Variants in SLC35A1 observed in about 807,000 individuals in gnomAD.
The protein encoded by SLC35A1 is solute carrier family 35 member A1.
SLC35A1 carries 21 observed loss-of-function variants against 40.3 expected under a neutral mutation model. That is an observed-to-expected ratio of 0.52 (90% CI 0.37 to 0.75). The LOEUF (loss-of-function observed/expected upper bound fraction) is 0.75, where lower values mean the gene tolerates loss of function less well. Among genes scored for constraint, SLC35A1 ranks in the 30% least tolerant of loss-of-function variants. The pLI is 0.00. For missense variants in SLC35A1, 297 were observed against 382.1 expected (o/e 0.78, Z 1.86); for synonymous variants, 146 against 147.3 (o/e 0.99, Z 0.06).
intron 5 of SLC35A1, among the ~76,000 whole-genome samples, chr6:87,507,282 G>A (rs1470681299): frequency 6.6e-6 from 1 of 152,102 alleles, no homozygotes; most frequent in African/African-American, 2.4e-5. Context: ...TGTTTTATAC[G>A]AGGGGAAAAT....
intron 7 of SLC35A1, among the ~76,000 whole-genome samples, chr6:87,510,717 A>T (rs1582199668): frequency 6.6e-6 from 1 of 152,196 alleles, no homozygotes; most frequent in East Asian, 1.9e-4. Flanking sequence ...TCTACTAAAA[A>T]TACAAAATTG....
chr6:87,505,859 T>C (rs368130399), intron 4 of SLC35A1, among the ~76,000 whole-genome samples: 24 of 152,328 alleles, frequency 1.6e-4, no homozygotes, highest in African/African-American at 5.8e-4. Flanking sequence ...CAACATGTGT[T>C]TTGAAGTTGA....
chr6:87,504,846 G>T (rs1389930171), intron 4 of SLC35A1, among the ~76,000 whole-genome samples: 1 of 152,218 alleles, frequency 6.6e-6, no homozygotes, highest in Non-Finnish European at 1.5e-5. Context: ...TGTTGGGATA[G>T]GTGGTATCTC....
chr6:87,482,046 G>A (rs1582169741), intron 2 of SLC35A1, among the ~76,000 whole-genome samples: 2 of 152,090 alleles, frequency 1.3e-5, no homozygotes, highest in East Asian at 3.9e-4. Flanking sequence ...TTACATTCAG[G>A]AGGCCTAATT....
In SLC35A1 at chr6:87,506,384, G is replaced by T. The variant is rs1770083920; in HGVS notation, c.510G>T (p.Val170=). 1 of 1,611,900 alleles carries T rather than the reference G, an allele frequency of 6.2e-7. No homozygotes were observed. The highest frequency in any genetic ancestry group is 2.2e-5 in the East Asian group (1 of 44,790). The change falls in exon 5 of 8, where the codon GTG becomes GTT. Residue 170 remains valine (V), a splice_region_variant and synonymous_variant. Coordinates refer to ENST00000369552, the MANE Select transcript of SLC35A1 (RefSeq NM_006416.5). The stretch of plus-strand genomic sequence containing the variant: ...AACTTTAACAATTAATATTGCAGGT[G>T]GAACAAAATCCATTATTAGGGTTTG... ...WKPAQATKVV[V]EQNPLLGFGA... is the part of the protein sequence containing the mutation.
At chr6:87,476,681 C>T (rs996672492) in intron 1 of SLC35A1, among the ~76,000 whole-genome samples, 3 of 151,698 alleles carry the variant, frequency 2.0e-5, no homozygotes, top group South Asian at 2.1e-4. Flanking sequence ...GCCGAGATCA[C>T]GTCAAGATCA....
At chr6:87,499,185 A>T (rs1769836968) in intron 2 of SLC35A1, 1 of 899,178 alleles carries the variant, frequency 1.1e-6, no homozygotes, top group Admixed American at 6.2e-5. Context: ...ATTTAATATA[A>T]TGGACTTTTG....
At chr6:87,491,977 C>T (rs561865637) in intron 2 of SLC35A1, among the ~76,000 whole-genome samples, 6 of 152,316 alleles carry the variant, frequency 3.9e-5, no homozygotes, top group African/African-American at 1.4e-4. Flanking sequence ...TAGCACATTA[C>T]ACATACAACA....
chr6:87,506,563 T>A, intron 5 of SLC35A1, 115 bp downstream of exon 5: 2 of 862,700 alleles, frequency 2.3e-6, no homozygotes, highest in Non-Finnish European at 3.9e-6. Flanking sequence ...AAACTTGATC[T>A]TCTTGCTTAT....
intron 2 of SLC35A1, among the ~76,000 whole-genome samples, chr6:87,489,968 C>T (rs987226568): frequency 1.3e-5 from 2 of 151,934 alleles, no homozygotes; most frequent in Non-Finnish European, 2.9e-5. Flanking sequence ...GTGGCTCACA[C>T]CTGTAATCAC....
At chr6:87,493,327 C>T (rs1004385597) in intron 2 of SLC35A1, among the ~76,000 whole-genome samples, 1 of 151,790 alleles carries the variant, frequency 6.6e-6, no homozygotes, top group African/African-American at 2.4e-5. Flanking sequence ...CTTTTTTTTC[C>T]AGAATGGTAT....
intron 2 of SLC35A1, among the ~76,000 whole-genome samples, chr6:87,488,708 G>A (rs1769458715): frequency 6.6e-6 from 1 of 152,200 alleles, no homozygotes; most frequent in African/African-American, 2.4e-5. Context: ...TCCATGGATT[G>A]TTCTTGGTGA....
intron 7 of SLC35A1, among the ~76,000 whole-genome samples, 172 bp downstream of exon 7, chr6:87,509,347 C>T (rs1468955650): frequency 6.6e-6 from 1 of 152,134 alleles, no homozygotes; most frequent in African/African-American, 2.4e-5. Context: ...TGGGATGTGG[C>T]TAAGCAGTAC....
chr6:87,489,430 C>T (rs570514637), intron 2 of SLC35A1, among the ~76,000 whole-genome samples: 72 of 152,046 alleles, frequency 4.7e-4, no homozygotes, highest in East Asian at 1.9e-3. Context: ...TCTCTTCACA[C>T]GTGTCCACCT....
chr6:87,478,885 A>G (rs1257351433), intron 2 of SLC35A1, among the ~76,000 whole-genome samples: 2 of 152,090 alleles, frequency 1.3e-5, no homozygotes, highest in Non-Finnish European at 2.9e-5. Context: ...TGGACAAGGG[A>G]GGAAAAGGGG....
chr6:87,510,136 A>G (rs141122926), intron 7 of SLC35A1, among the ~76,000 whole-genome samples: 308 of 152,306 alleles, frequency 2.0e-3, no homozygotes, highest in African/African-American at 7.2e-3. Flanking sequence ...AATGGGAATA[A>G]TATCACCTAT....
At chr6:87,485,114 C>T (rs1769356751) in intron 2 of SLC35A1, among the ~76,000 whole-genome samples, 1 of 152,106 alleles carries the variant, frequency 6.6e-6, no homozygotes, top group African/African-American at 2.4e-5. Flanking sequence ...TGTTAAAACA[C>T]AGGTTGGATG....
At chr6:87,476,560 A>G (rs1483855748) in intron 1 of SLC35A1, among the ~76,000 whole-genome samples, 1 of 151,926 alleles carries the variant, frequency 6.6e-6, no homozygotes, top group Non-Finnish European at 1.5e-5. Flanking sequence ...CCTCTTCCCT[A>G]CTAAAAATAC....
At chr6:87,487,373 A>G (rs1228655925) in intron 2 of SLC35A1, among the ~76,000 whole-genome samples, 1 of 152,184 alleles carries the variant, frequency 6.6e-6, no homozygotes, top group African/African-American at 2.4e-5. Context: ...CTGGCAGTAG[A>G]ATCTGTAGGA....
Sources: allele counts gnomAD v4.1 joint callset (sites outside exome capture counted in the v4.1 genomes callset), GRCh38; gene constraint gnomAD v4.1.1; transcripts MANE v1.5; gene names NCBI Gene and HGNC (gene_info 2026-07-23, HGNC 2026-07-21).